The following FREM1 variants were observed in gnomAD, a reference collection of about 807,000 sequenced individuals.
FREM1 encodes FRAS1-related extracellular matrix protein 1.
FREM1 carries 220 observed loss-of-function variants against 210.1 expected under a neutral mutation model. The observed-to-expected ratio is 1.05, with a 90% CI of 0.94 to 1.17. The LOEUF (loss-of-function observed/expected upper bound fraction) is 1.17, where lower values mean the gene tolerates loss of function less well. FREM1 is among the 50% of genes most tolerant of loss of function. The pLI is 0.00. For missense variants in FREM1, 3,454 were observed against 2,675.5 expected (o/e 1.29, Z -6.42); for synonymous variants, 1,189 against 980.2 (o/e 1.21, Z -3.98).
intron 24 of FREM1, among the ~76,000 whole-genome samples, chr9:14,781,128 C>A (rs1849584170): frequency 6.6e-6 from 1 of 152,188 alleles, no homozygotes; most frequent in Non-Finnish European, 1.5e-5. Context: ...CAGTGATACT[C>A]AGTTATGTCA....
chr9:14,794,940 G>C (rs766619777), intron 21 of FREM1, among the ~76,000 whole-genome samples: 3 of 149,346 alleles, frequency 2.0e-5, no homozygotes, highest in Non-Finnish European at 3.0e-5. Context: ...AGAGCTTGCA[G>C]TGAACCAACA....
chr9:14,841,823 A>C (rs1460788293), intron 9 of FREM1, among the ~76,000 whole-genome samples: 1 of 152,256 alleles, frequency 6.6e-6, no homozygotes, highest in Non-Finnish European at 1.5e-5. Context: ...AATTAGCATT[A>C]GAAAAATATT....
chr9:14,906,209 C>G (rs1817671786), intron 1 of FREM1, among the ~76,000 whole-genome samples: 2 of 152,144 alleles, frequency 1.3e-5, no homozygotes, highest in Admixed American at 6.5e-5. Context: ...AGGAAACTGG[C>G]TGAGTAACTT....
intron 1 of FREM1, among the ~76,000 whole-genome samples, chr9:14,909,300 C>A (rs1818326339): frequency 6.6e-6 from 1 of 152,122 alleles, no homozygotes; most frequent in Non-Finnish European, 1.5e-5. Flanking sequence ...AAACTCTTTA[C>A]AACAGCACCA....
chr9:14,882,061 A>C (rs955772576), intron 1 of FREM1, among the ~76,000 whole-genome samples: 7 of 152,330 alleles, frequency 4.6e-5, no homozygotes, highest in African/African-American at 1.7e-4. Flanking sequence ...CCAGAATTTT[A>C]CACAGGAGAG....
chr9:14,849,950 G>A (rs1198957268), intron 6 of FREM1, among the ~76,000 whole-genome samples: 1 of 152,106 alleles, frequency 6.6e-6, no homozygotes, highest in African/African-American at 2.4e-5. Flanking sequence ...ATGAAAAGGG[G>A]GAAATAAAAG....
At chr9:14,797,782 G>C (rs1852725638) in intron 20 of FREM1, 140 bp from the exon 21 acceptor site, 1 of 565,250 alleles carries the variant, frequency 1.8e-6, no homozygotes, top group Non-Finnish European at 3.0e-6. Context: ...AATTAAACTT[G>C]TTTTATGAAG....
intron 31 of FREM1, 103 bp downstream of exon 31, chr9:14,748,298 G>C: frequency 4.3e-6 from 3 of 704,260 alleles, no homozygotes; most frequent in Non-Finnish European, 7.2e-6. Context: ...CTCACTATGA[G>C]AATCAAAACA....
chr9:14,821,955 T>G (rs766168246), intron 13 of FREM1, among the ~76,000 whole-genome samples: 3 of 152,200 alleles, frequency 2.0e-5, no homozygotes, highest in Admixed American at 6.5e-5. Flanking sequence ...AATCTCACCT[T>G]GAATTGTAAT....
chr9:14,799,801 T>A (rs924966095), intron 20 of FREM1, among the ~76,000 whole-genome samples: 7 of 152,094 alleles, frequency 4.6e-5, no homozygotes, highest in African/African-American at 1.7e-4. Flanking sequence ...TTTCTTTTTT[T>A]TTATTATTAT....
Position 14,846,013 on chromosome 9 carries a change from G to C in FREM1, c.1340C>G (p.Ala447Gly). ...FQVVDNDDIG[A>G]VRLVTVGGLQ... ...GCCACCAACGGTGACTAGCCGGACA[G>C]CACCAATGTCGTCATTGTCGACAAC... Residue 447 changes from alanine to glycine, a missense_variant, in exon 8 of 37, where the codon GCT becomes GGT. By Grantham distance (60) the Ala-to-Gly change is moderately conservative. Coordinates refer to ENST00000380880, the MANE Select transcript of FREM1 (RefSeq NM_001379081.2). 6.2e-7 allele frequency: 1 copy of C among 1,612,756 alleles called. No individual in the cohort carries two copies. Among genetic ancestry groups the C allele is most frequent in the Non-Finnish European group, 8.5e-7 (1 of 1,179,334 alleles).
At position 14,801,636 on chromosome 9, in the gene FREM1, G is replaced by C. The variant is rs1460927754; in HGVS notation, c.3694+16C>G. On this transcript the variant is annotated intron_variant, in intron 20 of 36. Coordinates refer to ENST00000380880, the MANE Select transcript of FREM1 (RefSeq NM_001379081.2). Reference sequence around the variant, plus strand: ...AATCAACAATAACAAATGCATGGAAGTGGAACATGCTATACCAGTCTTGAG... The same window carrying C: ...AATCAACAATAACAAATGCATGGAACTGGAACATGCTATACCAGTCTTGAG... The C allele has an allele frequency of 2.6e-6, 4 of 1,528,026 alleles. No individual in the cohort carries two copies. Among genetic ancestry groups the C allele is most frequent in the Admixed American group, 1.7e-5 (1 of 59,512 alleles). The allele number at this position is 1,528,026 out of a possible 1,614,324, so 94.7% of individuals were successfully genotyped here. A position where few individuals can be genotyped will look rare whatever the true frequency, so the allele number is the denominator to read the frequency against.
Position 14,810,998 on chromosome 9 carries a change from C to T in FREM1, c.2893+1814G>A, listed in dbSNP as rs891303712. ...TTCTTAGGTGGCCTCTAAATCAACA[C>T]GTAGAAGCAAGAGAAGGGCCAGAAA... On this transcript the variant is annotated intron_variant, in intron 16 of 36. Coordinates refer to ENST00000380880, the MANE Select transcript of FREM1 (RefSeq NM_001379081.2). Among the ~76,000 whole-genome samples the T allele has an allele frequency of 4.6e-5, 7 of 152,096 alleles. No individual in the cohort carries two copies. In the South Asian group the frequency reaches 6.2e-4, roughly 14 times the overall value.
chr9:14,803,209 CTTT>C (rs1336211414), intron 19 of FREM1, among the ~76,000 whole-genome samples: 6 of 135,790 alleles, frequency 4.4e-5, no homozygotes, highest in Non-Finnish European at 6.3e-5. Flanking sequence ...CCTCTTTCTT[CTTT>C]CTCTTTTCTT....
At chr9:14,873,306 T>C (rs1199719016) in intron 1 of FREM1, among the ~76,000 whole-genome samples, 3 of 152,196 alleles carry the variant, frequency 2.0e-5, no homozygotes, top group African/African-American at 4.8e-5. Flanking sequence ...TCCTGGACTC[T>C]TTTTGGTTGG....
At chr9:14,828,638 C>CGGGGG (rs67204004) in intron 10 of FREM1, among the ~76,000 whole-genome samples, 1 of 74,910 alleles carries the variant, frequency 1.3e-5, no homozygotes, top group African/African-American at 6.0e-5. Flanking sequence ...TAAATTGTGG[C>CGGGGG]GGGGCGGGGG....
chr9:14,756,086 G>C (rs914963028), intron 29 of FREM1, among the ~76,000 whole-genome samples: 8 of 152,078 alleles, frequency 5.3e-5, no homozygotes, highest in African/African-American at 1.4e-4. Flanking sequence ...TAATTTCTAA[G>C]TGACTGTATT....
intron 15 of FREM1, among the ~76,000 whole-genome samples, chr9:14,816,252 G>A (rs1203144282): frequency 6.6e-6 from 1 of 152,160 alleles, no homozygotes; most frequent in East Asian, 1.9e-4. Context: ...AGATTAGAGA[G>A]AGACAATAGC....
chr9:14,758,786 A>G (rs114100191), intron 28 of FREM1, among the ~76,000 whole-genome samples: 1,718 of 152,294 alleles, frequency 0.011, 34 homozygotes, highest in African/African-American at 0.039. Flanking sequence ...ACTCCTAAAA[A>G]AAATTCTTCA....
Sources: allele counts gnomAD v4.1 joint callset (sites outside exome capture counted in the v4.1 genomes callset), GRCh38; gene constraint gnomAD v4.1.1; transcripts MANE v1.5; gene names NCBI Gene and HGNC (gene_info 2026-07-23, HGNC 2026-07-21).